PACS1: variants seen among roughly 807,000 people sequenced by gnomAD.
The protein encoded by PACS1 is PACS-1.
PACS1 carries 24 observed loss-of-function variants against 115.0 expected under a neutral mutation model. That is an observed-to-expected ratio of 0.21 (90% CI 0.15 to 0.29). The LOEUF (loss-of-function observed/expected upper bound fraction) is 0.29, where lower values mean the gene tolerates loss of function less well. Ranked by LOEUF, PACS1 falls within the 10% of genes least tolerant of loss-of-function variation. The pLI, the probability that PACS1 is intolerant of heterozygous loss-of-function variation, is 1.00. For synonymous variants in PACS1, 453 were observed against 504.5 expected (o/e 0.90, Z 1.37); for missense variants, 838 against 1,251.2 (o/e 0.67, Z 4.98).
At position 66,173,220 on chromosome 11, in the gene PACS1, A is replaced by G. The variant is rs78246116; in HGVS notation, c.357-20266A>G. On this transcript the variant is annotated intron_variant, in intron 1 of 23. Transcript: ENST00000320580. ...GGTGCTGACATTACAGGCATAAGCC[A>G]CCACATCCAGCCATCTGAAAATGTC... 7.4e-4 allele frequency among the ~76,000 whole-genome samples: 112 copies of G among 151,946 alleles called. 1 individual carries two copies. In the East Asian group the frequency reaches 0.021, roughly 28 times the overall value.
chr11:66,086,230 C>G (rs1240187964), intron 1 of PACS1, among the ~76,000 whole-genome samples: 1 of 151,438 alleles, frequency 6.6e-6, no homozygotes, highest in Admixed American at 6.6e-5. Context: ...CTCCGCCCCC[C>G]GGGGTTCACG....
chr11:66,174,214 A>G (rs1010467225), intron 1 of PACS1, among the ~76,000 whole-genome samples: 7 of 152,220 alleles, frequency 4.6e-5, no homozygotes, highest in Admixed American at 1.3e-4. Flanking sequence ...AAAAAAATCA[A>G]AAAACCGTAA....
At chr11:66,089,920 G>A (rs997019890) in intron 1 of PACS1, among the ~76,000 whole-genome samples, 3 of 150,394 alleles carry the variant, frequency 2.0e-5, no homozygotes, top group Non-Finnish European at 3.0e-5. Context: ...GCAGGAGAAT[G>A]GCGTGAACCC....
chr11:66,072,577 T>C (rs1197797040), intron 1 of PACS1, among the ~76,000 whole-genome samples: 1 of 152,212 alleles, frequency 6.6e-6, no homozygotes, highest in Non-Finnish European at 1.5e-5. Context: ...ATTAATTTAG[T>C]TTGCTGTGGC....
intron 1 of PACS1, among the ~76,000 whole-genome samples, chr11:66,105,645 A>G (rs1027923720): frequency 3.9e-5 from 6 of 152,242 alleles, no homozygotes; most frequent in African/African-American, 1.4e-4. Context: ...TCTTTTCAGA[A>G]ATGATTTTAA....
At chr11:66,135,621 G>A (rs1858821565) in intron 1 of PACS1, among the ~76,000 whole-genome samples, 1 of 151,644 alleles carries the variant, frequency 6.6e-6, no homozygotes, top group African/African-American at 2.4e-5. Context: ...ATGGCTGCCT[G>A]AGGCCTGCCC....
intron 1 of PACS1, among the ~76,000 whole-genome samples, chr11:66,073,857 A>G (rs963015704): frequency 1.5e-4 from 22 of 150,794 alleles, no homozygotes; most frequent in Non-Finnish European, 1.8e-4. Flanking sequence ...GGGCTCAGCA[A>G]TCCTCCAGCC....
chr11:66,223,054 C>CAAAAAAAAA (rs71461612), intron 10 of PACS1, among the ~76,000 whole-genome samples: 3 of 75,004 alleles, frequency 4.0e-5, no homozygotes, highest in African/African-American at 5.4e-5. Flanking sequence ...CCTCGATTTA[C>CAAAAAAAAA]AAAAAAAAAA....
At chr11:66,108,196 G>A (rs536758666) in intron 1 of PACS1, among the ~76,000 whole-genome samples, 183 of 152,240 alleles carry the variant, frequency 1.2e-3, no homozygotes, top group African/African-American at 4.3e-3. Context: ...TGCCAGTAGG[G>A]GTTGGTTTCT....
chr11:66,184,528 G>T (rs1000443935), intron 1 of PACS1, among the ~76,000 whole-genome samples: 1 of 152,120 alleles, frequency 6.6e-6, no homozygotes, highest in African/African-American at 2.4e-5. Flanking sequence ...AAAGATTCTT[G>T]TCACTATATT....
chr11:66,151,328 C>G (rs911856959), intron 1 of PACS1, among the ~76,000 whole-genome samples: 12 of 151,902 alleles, frequency 7.9e-5, no homozygotes, highest in Admixed American at 3.3e-4. Context: ...AAGCTGAAGC[C>G]TTACTGGCTT....
intron 20 of PACS1, 141 bp downstream of exon 20, chr11:66,238,987 TC>T: frequency 7.3e-7 from 1 of 1,366,026 alleles, no homozygotes. Flanking sequence ...GCGCCCTCAC[TC>T]CCCTGCTGCG....
At chr11:66,165,744 A>AAT (rs771821667) in intron 1 of PACS1, among the ~76,000 whole-genome samples, 6 of 152,134 alleles carry the variant, frequency 3.9e-5, no homozygotes, top group South Asian at 4.1e-4. Flanking sequence ...TTAAGGGTAA[A>AAT]ATATATATAT....
chr11:66,206,019 A>G (rs963417778), intron 2 of PACS1, among the ~76,000 whole-genome samples: 1 of 152,088 alleles, frequency 6.6e-6, no homozygotes, highest in African/African-American at 2.4e-5. Flanking sequence ...ATTTTGGCAC[A>G]TGCCTGTAGT....
intron 2 of PACS1, among the ~76,000 whole-genome samples, chr11:66,202,738 A>AT: frequency 3.1e-5 from 2 of 64,894 alleles, no homozygotes; most frequent in African/African-American, 1.3e-4. Context: ...AAAAAAAAAA[A>AT]AAAAATATAT....
At chr11:66,222,633 T>G (rs1426864356) in intron 10 of PACS1, among the ~76,000 whole-genome samples, 1 of 152,176 alleles carries the variant, frequency 6.6e-6, no homozygotes, top group African/African-American at 2.4e-5. Context: ...CTTTAAGTCC[T>G]CCTGTTCACC....
intron 19 of PACS1, among the ~76,000 whole-genome samples, chr11:66,237,371 C>G (rs757560722): frequency 2.0e-5 from 3 of 152,190 alleles, no homozygotes; most frequent in Admixed American, 6.5e-5. Flanking sequence ...CAGCTTGTAT[C>G]TTTTTTTGTA....
At chr11:66,177,487 G>T (rs537549637) in intron 1 of PACS1, among the ~76,000 whole-genome samples, 46 of 152,234 alleles carry the variant, frequency 3.0e-4, no homozygotes, top group African/African-American at 1.1e-3. Flanking sequence ...CACTGCACCC[G>T]GCCAAAATAG....
chr11:66,146,540 C>T (rs1859127884), intron 1 of PACS1, among the ~76,000 whole-genome samples: 1 of 151,958 alleles, frequency 6.6e-6, no homozygotes, highest in Non-Finnish European at 1.5e-5. Flanking sequence ...TGAACAGAGC[C>T]TCAGAGATCT....
Sources: gnomAD v4.1 joint callset for allele counts (sites outside exome capture counted in the v4.1 genomes callset) on GRCh38, gnomAD v4.1.1 for gene constraint, MANE v1.5 for transcripts, NCBI Gene and HGNC (gene_info 2026-07-23, HGNC 2026-07-21) for gene names.